Variants in CLSTN2 observed in about 807,000 individuals in gnomAD.
CLSTN2 encodes calsyntenin-2.
Under a neutral mutation model 101.2 loss-of-function variants are expected in CLSTN2, and 48 were observed. The ratio of observed to expected loss-of-function variants is 0.47; its 90% CI spans 0.38 to 0.60. CLSTN2 has a LOEUF of 0.60. Among genes scored for constraint, CLSTN2 ranks in the 20% least tolerant of loss-of-function variants. The pLI, the probability that CLSTN2 is intolerant of heterozygous loss-of-function variation, is 0.00. For missense variants in CLSTN2, 1,160 were observed against 1,238.2 expected, an observed-to-expected ratio of 0.94 and a Z score of 0.95; for synonymous variants, 481 against 463.6, an observed-to-expected ratio of 1.04 and a Z score of -0.48.
intron 2 of CLSTN2, among the ~76,000 whole-genome samples, chr3:140,336,862 G>A (rs999820): frequency 0.46 from 69,253 of 151,984 alleles, 17,913 homozygotes; most frequent in Non-Finnish European, 0.6. Flanking sequence ...ACGGGGCTGC[G>A]TCACAGCTTC....
At chr3:140,227,430 C>T (rs2086332821) in intron 2 of CLSTN2, among the ~76,000 whole-genome samples, 1 of 152,216 alleles carries the variant, frequency 6.6e-6, no homozygotes, top group African/African-American at 2.4e-5. Flanking sequence ...ATTACTGTGG[C>T]TTCACAGGGT....
intron 1 of CLSTN2, among the ~76,000 whole-genome samples, chr3:140,030,783 C>T (rs891499699): frequency 6.6e-5 from 10 of 152,296 alleles, no homozygotes; most frequent in East Asian, 1.9e-4. Context: ...AATTAAAAAA[C>T]GCATGCCCAA....
intron 8 of CLSTN2, among the ~76,000 whole-genome samples, chr3:140,491,966 C>A (rs1343014546): frequency 6.6e-6 from 1 of 152,112 alleles, no homozygotes; most frequent in Non-Finnish European, 1.5e-5. Flanking sequence ...CCTGCAAATA[C>A]AACATTGAAC....
intron 1 of CLSTN2, among the ~76,000 whole-genome samples, chr3:140,038,586 CT>C (rs1458596637): frequency 1.3e-5 from 2 of 151,988 alleles, no homozygotes; most frequent in African/African-American, 4.8e-5. Flanking sequence ...GTTGCAATTG[CT>C]TTTGGCGTTT....
At chr3:140,341,303 T>C (rs929820714) in intron 2 of CLSTN2, among the ~76,000 whole-genome samples, 42 of 152,346 alleles carry the variant, frequency 2.8e-4, no homozygotes, top group African/African-American at 9.9e-4. Flanking sequence ...TGCACAGTCT[T>C]CCTCTAGAAG....
chr3:139,938,317 C>T (rs868347015), intron 1 of CLSTN2, among the ~76,000 whole-genome samples: 2 of 152,184 alleles, frequency 1.3e-5, no homozygotes, highest in South Asian at 2.1e-4. Context: ...CTCCCAGCTT[C>T]AGTCTTGTGT....
In CLSTN2 at chr3:140,086,227, C is replaced by T. The variant is rs578100257; in HGVS notation, c.110-89724C>T. On this transcript the variant is annotated intron_variant, in intron 1 of 16. Transcript: ENST00000458420. ...AAAATGTTGAACCTATATCTCTGTT[C>T]GGTGATAACGAATGCTGGGGTTGGT... Among the ~76,000 whole-genome samples, 9 of 152,214 alleles carry T rather than the reference C, an allele frequency of 5.9e-5. No individual in the cohort carries two copies. In the South Asian group the frequency reaches 6.2e-4, roughly 11 times the overall value.
chr3:140,219,776 G>A (rs746576851), intron 2 of CLSTN2, among the ~76,000 whole-genome samples: 2 of 152,154 alleles, frequency 1.3e-5, no homozygotes, highest in Non-Finnish European at 2.9e-5. Context: ...CTTCTTTCAA[G>A]CATTTTGTTT....
At chr3:140,094,659 C>A (rs1048460821) in intron 1 of CLSTN2, among the ~76,000 whole-genome samples, 1 of 152,144 alleles carries the variant, frequency 6.6e-6, no homozygotes, top group African/African-American at 2.4e-5. Flanking sequence ...AATTAAACAG[C>A]TAGGGTGCTG....
chr3:140,125,491 G>C (rs1336362935), intron 1 of CLSTN2, among the ~76,000 whole-genome samples: 4 of 152,104 alleles, frequency 2.6e-5, no homozygotes, highest in African/African-American at 7.2e-5. Flanking sequence ...GTTGGAGACA[G>C]GAATATGAGG....
chr3:140,434,242 G>C (rs952176079), intron 5 of CLSTN2, among the ~76,000 whole-genome samples: 2 of 152,148 alleles, frequency 1.3e-5, no homozygotes, highest in Admixed American at 6.5e-5. Context: ...GGAGAGCCAC[G>C]AGCTGGCCGA....
chr3:140,267,026 T>C (rs953766110), intron 2 of CLSTN2, among the ~76,000 whole-genome samples: 2 of 152,180 alleles, frequency 1.3e-5, no homozygotes, highest in African/African-American at 2.4e-5. Context: ...ATGGGACAAG[T>C]GAGACCTGTG....
intron 1 of CLSTN2, among the ~76,000 whole-genome samples, chr3:139,978,234 T>C (rs1935854297): frequency 6.6e-6 from 1 of 152,220 alleles, no homozygotes; most frequent in Non-Finnish European, 1.5e-5. Context: ...CTGTTAGACC[T>C]TTCCCAACCC....
At chr3:140,421,018 G>C in intron 4 of CLSTN2, 107 bp from the exon 5 acceptor site, 2 of 1,126,116 alleles carry the variant, frequency 1.8e-6, no homozygotes, top group South Asian at 1.5e-5. Flanking sequence ...ATAAGGAAAA[G>C]GGTCACTTTC....
At chr3:140,395,829 G>C (rs1436858634) in intron 2 of CLSTN2, among the ~76,000 whole-genome samples, 1 of 152,198 alleles carries the variant, frequency 6.6e-6, no homozygotes, top group East Asian at 1.9e-4. Context: ...CCCTCTGGCA[G>C]TGTGGTCAGT....
intron 2 of CLSTN2, among the ~76,000 whole-genome samples, chr3:140,240,880 A>G (rs1226432672): frequency 2.0e-5 from 3 of 152,130 alleles, no homozygotes; most frequent in African/African-American, 4.8e-5. Flanking sequence ...TCCCCTCTCC[A>G]TGAGAGAACC....
rs562540520 is a variant in CLSTN2, at chr3:140,101,828, C to T, written c.110-74123C>T. On this transcript the variant is annotated intron_variant, in intron 1 of 16. Coordinates refer to ENST00000458420, the MANE Select transcript of CLSTN2 (RefSeq NM_022131.3). ...ATGGAAAAGGCACAACTGCTTTTAA[C>T]TGCGCTGGCCCAGAAGTGAAACAAC... Among the ~76,000 whole-genome samples, 19 of 152,276 alleles carry T rather than the reference C, an allele frequency of 1.2e-4. 1 individual carries two copies. Among genetic ancestry groups the T allele is most frequent in the Admixed American group, 1.1e-3 (17 of 15,290 alleles).
At chr3:140,490,113 TATATACACACACACACACACACAC>T (rs1559884956) in intron 8 of CLSTN2, among the ~76,000 whole-genome samples, 4 of 8,062 alleles carry the variant, frequency 5.0e-4, no homozygotes, top group African/African-American at 2.2e-3. Context: ...TATATATATA[TATATACACACACACACACACACAC>T]ACACACACAC....
intron 5 of CLSTN2, among the ~76,000 whole-genome samples, chr3:140,430,851 G>A (rs2088621483): frequency 3.3e-5 from 5 of 152,214 alleles, no homozygotes; most frequent in Admixed American, 3.3e-4. Flanking sequence ...GAGATTGACT[G>A]TCTTGCCCAA....
Sources: gnomAD v4.1 joint callset for allele counts (sites outside exome capture counted in the v4.1 genomes callset) on GRCh38, gnomAD v4.1.1 for gene constraint, MANE v1.5 for transcripts, NCBI Gene and HGNC (gene_info 2026-07-23, HGNC 2026-07-21) for gene names.